The following TYW1 variants were observed in gnomAD, a reference collection of about 807,000 sequenced individuals.
The protein encoded by TYW1 is S-adenosyl-L-methionine-dependent tRNA 4-demethylwyosine synthase TYW1.
A neutral mutation model predicts 96.2 loss-of-function variants in TYW1; 46 were observed. The ratio of observed to expected loss-of-function variants is 0.48; its 90% CI spans 0.38 to 0.61. The LOEUF (loss-of-function observed/expected upper bound fraction) is 0.61, where lower values mean the gene tolerates loss of function less well. Ranked by LOEUF, TYW1 falls within the 20% of genes least tolerant of loss-of-function variation. The probability of loss-of-function intolerance (pLI) is 0.00; values close to 1 mark genes in which losing one functional copy is unlikely to be tolerated. For synonymous variants in TYW1, 274 were observed against 323.0 expected (o/e 0.85, Z 1.63); for missense variants, 684 against 909.6 (o/e 0.75, Z 3.19).
At chr7:67,181,980 C>T (rs1054456344) in intron 13 of TYW1, among the ~76,000 whole-genome samples, 22 of 152,034 alleles carry the variant, frequency 1.4e-4, no homozygotes, top group Admixed American at 1.3e-3. Flanking sequence ...AGGTGCATGC[C>T]GCCACGCCTG....
chr7:67,079,327 T>C (rs1428029644), intron 10 of TYW1, among the ~76,000 whole-genome samples: 3 of 152,092 alleles, frequency 2.0e-5, no homozygotes, highest in African/African-American at 7.2e-5. Flanking sequence ...CTTCCTGGTT[T>C]ATTCTTGGTA....
intron 6 of TYW1, 115 bp from the exon 7 acceptor site, chr7:67,024,785 A>G (rs78173840): frequency 5.3e-5 from 10 of 189,270 alleles, no homozygotes; most frequent in African/African-American, 1.8e-4. Flanking sequence ...TGTCTCAAAG[A>G]AAAAAAAAAA....
intron 12 of TYW1, among the ~76,000 whole-genome samples, chr7:67,106,580 G>A (rs1331294294): frequency 2.0e-5 from 3 of 152,092 alleles, no homozygotes; most frequent in Non-Finnish European, 4.4e-5. Flanking sequence ...CAGAGAACTG[G>A]TTTGTTCTTA....
At chr7:67,071,309 C>T (rs1293844385) in intron 10 of TYW1, among the ~76,000 whole-genome samples, 2 of 150,120 alleles carry the variant, frequency 1.3e-5, no homozygotes, top group African/African-American at 2.5e-5. Context: ...TCTCTGAAGT[C>T]TGTGTCTTAA....
chr7:67,051,606 T>A (rs1244453127), intron 8 of TYW1, among the ~76,000 whole-genome samples: 1 of 152,226 alleles, frequency 6.6e-6, no homozygotes, highest in Non-Finnish European at 1.5e-5. Context: ...AATCTTAGAA[T>A]CTTACATATT....
At chr7:67,177,653 T>C (rs1203969719) in intron 13 of TYW1, among the ~76,000 whole-genome samples, 1 of 152,060 alleles carries the variant, frequency 6.6e-6, no homozygotes, top group Non-Finnish European at 1.5e-5. Flanking sequence ...GCCAAAACAA[T>C]GCAAAAGTGG....
At chr7:67,199,902 G>C (rs1161991439) in intron 15 of TYW1, among the ~76,000 whole-genome samples, 1 of 142,386 alleles carries the variant, frequency 7.0e-6, no homozygotes, top group Non-Finnish European at 1.6e-5. Flanking sequence ...AACCCATCAA[G>C]AAAGAAAGAG....
intron 13 of TYW1, among the ~76,000 whole-genome samples, chr7:67,137,863 A>G (rs901237592): frequency 6.6e-6 from 1 of 152,186 alleles, no homozygotes; most frequent in Non-Finnish European, 1.5e-5. Flanking sequence ...CTCTAAGGAG[A>G]CATCACAGCC....
chr7:67,070,053 C>T (rs1241971616), intron 10 of TYW1, among the ~76,000 whole-genome samples: 3 of 152,136 alleles, frequency 2.0e-5, no homozygotes, highest in African/African-American at 7.2e-5. Context: ...AATATGCTCT[C>T]CCACTGCCTT....
chr7:67,002,222 A>T (rs746833344), intron 3 of TYW1, among the ~76,000 whole-genome samples: 7 of 151,484 alleles, frequency 4.6e-5, no homozygotes, highest in Non-Finnish European at 8.8e-5. Context: ...TAATTAAAAA[A>T]ATTTTTTTTG....
chr7:67,087,467 G>C (rs1796581752), intron 11 of TYW1, among the ~76,000 whole-genome samples: 1 of 152,208 alleles, frequency 6.6e-6, no homozygotes, highest in Non-Finnish European at 1.5e-5. Flanking sequence ...CGTGAATCCT[G>C]AGTAGGCATT....
intron 15 of TYW1, among the ~76,000 whole-genome samples, chr7:67,214,914 A>G (rs1186190334): frequency 6.6e-6 from 1 of 151,530 alleles, no homozygotes; most frequent in Non-Finnish European, 1.5e-5. Flanking sequence ...CTAACATTTT[A>G]TTGATTTTAC....
At chr7:67,069,424 G>A (rs1368702282) in intron 10 of TYW1, among the ~76,000 whole-genome samples, 1 of 152,066 alleles carries the variant, frequency 6.6e-6, no homozygotes, top group East Asian at 1.9e-4. Flanking sequence ...ATCATCAAGA[G>A]AAAAAATAGA....
intron 11 of TYW1, among the ~76,000 whole-genome samples, chr7:67,090,757 G>C (rs1796690389): frequency 1.3e-5 from 2 of 152,148 alleles, no homozygotes; most frequent in African/African-American, 4.8e-5. Context: ...ATTTGCTGTT[G>C]AAATGTCCTG....
chr7:67,119,353 G>A (rs939461211), intron 13 of TYW1, among the ~76,000 whole-genome samples: 40 of 151,982 alleles, frequency 2.6e-4, no homozygotes, highest in African/African-American at 4.8e-5. Flanking sequence ...TGTGCCCAGC[G>A]CTTACTTTGA....
At position 67,017,900 on chromosome 7, in the gene TYW1, T is replaced by C. The variant is rs1421409870; in HGVS notation, c.618T>C (p.Arg206=). The stretch of plus-strand genomic sequence containing the variant: ...GGCTCTGGATGCTTGGCGCGCATCG[T>C]GTGATGAGTCGAGGGGAGGGCGACT... The part of the protein sequence containing the change: ...DKWLWMLGAH[R]VMSRGEGDCD... Residue 206 remains arginine, a synonymous_variant, in exon 6 of 16, where the codon CGT becomes CGC. Coordinates refer to ENST00000359626, the MANE Select transcript of TYW1 (RefSeq NM_018264.4). 1.2e-6 allele frequency: 2 copies of C among 1,613,866 alleles called. No homozygotes were observed. Among genetic ancestry groups the C allele is most frequent in the Non-Finnish European group, 1.7e-6 (2 of 1,179,980 alleles).
At chr7:67,021,014 C>G (rs368145277) in intron 6 of TYW1, among the ~76,000 whole-genome samples, 2 of 152,276 alleles carry the variant, frequency 1.3e-5, no homozygotes, top group African/African-American at 4.8e-5. Context: ...GGTGACAGAG[C>G]GAGACGCTGT....
At chr7:67,004,239 T>C (rs1248102018) in intron 3 of TYW1, among the ~76,000 whole-genome samples, 5 of 152,148 alleles carry the variant, frequency 3.3e-5, no homozygotes, top group Non-Finnish European at 7.4e-5. Context: ...AATTTGTTGT[T>C]TGTTCCCCCA....
chr7:67,204,579 T>C (rs1800717200), intron 15 of TYW1, among the ~76,000 whole-genome samples: 1 of 146,744 alleles, frequency 6.8e-6, no homozygotes, highest in African/African-American at 2.5e-5. Flanking sequence ...TCCTTCTTCC[T>C]TCTTTCTTCT....
Sources: gnomAD v4.1 joint callset for allele counts (sites outside exome capture counted in the v4.1 genomes callset) on GRCh38, gnomAD v4.1.1 for gene constraint, MANE v1.5 for transcripts, NCBI Gene and HGNC (gene_info 2026-07-23, HGNC 2026-07-21) for gene names.